ARMH3: variants seen among roughly 807,000 people sequenced by gnomAD.
ARMH3 encodes armadillo-like helical domain-containing protein 3.
In ARMH3, 60 loss-of-function variants were observed where a neutral mutation model predicts 99.1. That is an observed-to-expected ratio of 0.61 (90% confidence interval 0.49 to 0.75). The LOEUF is 0.75. Ranked by LOEUF, ARMH3 falls within the 30% of genes least tolerant of loss-of-function variation. The pLI is 0.00. For synonymous variants in ARMH3, 285 were observed against 292.8 expected, an observed-to-expected ratio of 0.97 and a Z score of 0.27; for missense variants, 679 against 843.1, an observed-to-expected ratio of 0.81 and a Z score of 2.41.
intron 20 of ARMH3, among the ~76,000 whole-genome samples, chr10:101,962,980 T>C (rs1171795475): frequency 2.7e-5 from 4 of 150,402 alleles, no homozygotes; most frequent in African/African-American, 7.3e-5. Flanking sequence ...CTTTTTTTTT[T>C]TTTTTTTGAG....
chr10:102,031,711 A>G (rs1215014722), intron 4 of ARMH3, among the ~76,000 whole-genome samples: 1 of 152,208 alleles, frequency 6.6e-6, no homozygotes, highest in Non-Finnish European at 1.5e-5. Flanking sequence ...ACAAGTTCCA[A>G]TAAAATTATG....
chr10:101,875,511 G>GT (rs970700394), intron 24 of ARMH3, among the ~76,000 whole-genome samples: 2 of 152,116 alleles, frequency 1.3e-5, no homozygotes, highest in Non-Finnish European at 2.9e-5. Flanking sequence ...TAGGCAGAAG[G>GT]TTTTTTCCCC....
At chr10:101,868,045 G>A (rs947561497) in intron 24 of ARMH3, among the ~76,000 whole-genome samples, 3 of 151,920 alleles carry the variant, frequency 2.0e-5, no homozygotes, top group East Asian at 1.9e-4. Context: ...ATTTCTGCAG[G>A]AGAAAACTGT....
intron 23 of ARMH3, among the ~76,000 whole-genome samples, chr10:101,913,728 C>A (rs1356487058): frequency 4.6e-5 from 7 of 152,124 alleles, no homozygotes; most frequent in Admixed American, 4.6e-4. Context: ...CCTCAGCAGA[C>A]CTGTTTGGTT....
intron 22 of ARMH3, among the ~76,000 whole-genome samples, chr10:101,947,576 G>C (rs1031220973): frequency 6.6e-6 from 1 of 152,014 alleles, no homozygotes; most frequent in African/African-American, 2.4e-5. Flanking sequence ...CAAGGCAGGC[G>C]GATCACCTGA....
intron 2 of ARMH3, among the ~76,000 whole-genome samples, chr10:102,034,886 C>A (rs545351307): frequency 6.6e-6 from 1 of 151,808 alleles, no homozygotes; most frequent in African/African-American, 2.4e-5. Flanking sequence ...CCACCCTGGG[C>A]AACAAGAGCA....
At chr10:101,980,196 G>C (rs997362765) in intron 19 of ARMH3, among the ~76,000 whole-genome samples, 1 of 152,096 alleles carries the variant, frequency 6.6e-6, no homozygotes, top group African/African-American at 2.4e-5. Flanking sequence ...TATTGCTTAA[G>C]TCTTATTATA....
intron 8 of ARMH3, among the ~76,000 whole-genome samples, chr10:102,014,572 G>A (rs919188919): frequency 6.6e-6 from 1 of 152,180 alleles, no homozygotes; most frequent in Non-Finnish European, 1.5e-5. Flanking sequence ...AGTGGCAGCT[G>A]CTTAACAGCC....
chr10:101,874,497 C>A (rs1390722567), intron 24 of ARMH3, among the ~76,000 whole-genome samples: 1 of 152,176 alleles, frequency 6.6e-6, no homozygotes, highest in Non-Finnish European at 1.5e-5. Context: ...ACCCCATAAT[C>A]CTCCCTGACA....
At chr10:101,880,554 A>G (rs1471582949) in intron 24 of ARMH3, among the ~76,000 whole-genome samples, 1 of 152,162 alleles carries the variant, frequency 6.6e-6, no homozygotes, top group Non-Finnish European at 1.5e-5. Context: ...AATTTCAAAA[A>G]TGGTGACAGC....
At position 101,879,099 on chromosome 10, in the gene ARMH3, C is replaced by T. The variant is rs558765189; in HGVS notation, c.1860+10313G>A. Among the ~76,000 whole-genome samples, 7 of 152,246 alleles carry T rather than the reference C, an allele frequency of 4.6e-5. No individual in the cohort carries two copies. The South Asian group carries it at 8.3e-4, about 18-fold the overall frequency. On this transcript the variant is annotated intron_variant, in intron 24 of 25. Transcript: ENST00000370033. ...CTTCCCCCATCCCCCGGGAATAAGC[C>T]ATTATCTTCACTCTCCTTCCTTCTT... is the stretch of plus-strand genomic sequence containing the variant.
intron 14 of ARMH3, among the ~76,000 whole-genome samples, chr10:102,002,344 G>T (rs1182471531): frequency 6.6e-6 from 1 of 151,946 alleles, no homozygotes; most frequent in Non-Finnish European, 1.5e-5. Flanking sequence ...TCCTGGGAAG[G>T]GTATGTTGAT....
intron 23 of ARMH3, among the ~76,000 whole-genome samples, chr10:101,936,696 A>T (rs1281621671): frequency 1.1e-4 from 17 of 152,128 alleles, no homozygotes; most frequent in Admixed American, 1.1e-3. Context: ...TCAAACAGGT[A>T]TCTGTATACC....
chr10:102,055,873 T>C (rs1298392393), intron 1 of ARMH3, among the ~76,000 whole-genome samples: 1 of 152,098 alleles, frequency 6.6e-6, no homozygotes, highest in Non-Finnish European at 1.5e-5. Flanking sequence ...AAGCCGTTTC[T>C]CTCTAGGCTC....
intron 24 of ARMH3, among the ~76,000 whole-genome samples, chr10:101,885,297 T>C (rs979322213): frequency 1.2e-4 from 19 of 152,128 alleles, no homozygotes; most frequent in Non-Finnish European, 8.8e-5. Flanking sequence ...CACAAAAGAA[T>C]TGAAAGCAGG....
intron 22 of ARMH3, among the ~76,000 whole-genome samples, chr10:101,955,402 C>T (rs1232289429): frequency 6.6e-6 from 1 of 152,144 alleles, no homozygotes; most frequent in Non-Finnish European, 1.5e-5. Context: ...CTGATACTTG[C>T]CATTGAAAAC....
intron 19 of ARMH3, among the ~76,000 whole-genome samples, chr10:101,977,648 G>C (rs761767096): frequency 6.6e-6 from 1 of 152,220 alleles, no homozygotes; most frequent in Admixed American, 6.5e-5. Context: ...GCCTTTAAGA[G>C]GTGACTGGGT....
At chr10:102,005,525 C>T (rs986073230) in intron 14 of ARMH3, among the ~76,000 whole-genome samples, 3 of 152,060 alleles carry the variant, frequency 2.0e-5, no homozygotes, top group Non-Finnish European at 4.4e-5. Flanking sequence ...ATGTTACTGC[C>T]ACGGGTGGTA....
intron 1 of ARMH3, among the ~76,000 whole-genome samples, chr10:102,042,050 C>T (rs553335822): frequency 1.3e-5 from 2 of 152,224 alleles, no homozygotes; most frequent in East Asian, 1.9e-4. Flanking sequence ...ATAACAATAA[C>T]GAAAAGAGAA....
Sources: allele counts gnomAD v4.1 joint callset (sites outside exome capture counted in the v4.1 genomes callset), GRCh38; gene constraint gnomAD v4.1.1; transcripts MANE v1.5; gene names NCBI Gene and HGNC (gene_info 2026-07-23, HGNC 2026-07-21).